OTUD5: variants seen among roughly 807,000 people sequenced by gnomAD.
OTUD5 encodes OTU deubiquitinase 5.
Under a neutral mutation model 36.3 loss-of-function variants are expected in OTUD5, and 2 were observed. The observed-to-expected ratio is 0.06, with a 90% CI of 0.02 to 0.17. The LOEUF is 0.17. Among genes scored for constraint, OTUD5 ranks in the 10% least tolerant of loss-of-function variants. The probability of loss-of-function intolerance (pLI) is 1.00; values close to 1 mark genes in which losing one functional copy is unlikely to be tolerated. For synonymous variants in OTUD5, 234 were observed against 214.9 expected (o/e 1.09, Z -0.78); for missense variants, 233 against 512.3 (o/e 0.45, Z 5.26).
chrX:48,926,420 G>A lies in OTUD5; in HGVS notation c.1060-370C>T, dbSNP rs782462917. Among the ~76,000 whole-genome samples, 12 of 109,054 alleles carry A rather than the reference G, an allele frequency of 1.1e-4. No individual in the cohort carries two copies. In the East Asian group the frequency reaches 2.8e-3, roughly 26 times the overall value. The allele number at this position is 109,054 out of a possible 115,157, so 94.7% of individuals were successfully genotyped here. A position where few individuals can be genotyped will look rare whatever the true frequency, so the allele number is the denominator to read the frequency against. Reference sequence around the variant, plus strand: ...GGCTGGAGTGCAGTGGGGTAATCTCGGCTCACTGCAACCTCCGCCTCCCAG... The same window carrying A: ...GGCTGGAGTGCAGTGGGGTAATCTCAGCTCACTGCAACCTCCGCCTCCCAG... On this transcript the variant is annotated intron_variant, in intron 5 of 8. Coordinates refer to ENST00000376488, the MANE Select transcript of OTUD5 (RefSeq NM_001136157.2).
chrX:48,938,367 A>T (rs930466311), intron 2 of OTUD5, among the ~76,000 whole-genome samples: 12 of 112,179 alleles, frequency 1.1e-4, no homozygotes, highest in Non-Finnish European at 1.9e-4. Context: ...GCATCTAAGC[A>T]CAGAGCTAAA....
chrX:48,926,366 T>C (rs1387882915), intron 5 of OTUD5, among the ~76,000 whole-genome samples: 4 of 89,933 alleles, frequency 4.4e-5, no homozygotes, highest in South Asian at 1.0e-3. Flanking sequence ...TTTTTTTTTT[T>C]CTGAGACGAA....
At chrX:48,952,066 C>A (rs868960765) in intron 1 of OTUD5, among the ~76,000 whole-genome samples, 1 of 108,268 alleles carries the variant, frequency 9.2e-6, no homozygotes, top group Non-Finnish European at 1.9e-5. Context: ...AAAAAAAAAA[C>A]AAAAACAAAA....
In OTUD5 at chrX:48,922,225, G is replaced by T. The variant is rs2063592983; in HGVS notation, c.*949C>A. The T allele has an allele frequency of 9.0e-6, 1 of 111,712 alleles. No individual in the cohort carries two copies. Among genetic ancestry groups the T allele is most frequent in the Non-Finnish European group, 1.9e-5 (1 of 53,111 alleles). The allele number at this position is 111,712 out of a possible 1,213,427, so 9.2% of individuals were successfully genotyped here. A position where few individuals can be genotyped will look rare whatever the true frequency, so the allele number is the denominator to read the frequency against. ...AGTCGCTCAGGGAAACTGACATTTGGTTTTATTGTGCCAAGGACATTACAG... is the reference window on the plus strand; with the variant it reads ...AGTCGCTCAGGGAAACTGACATTTGTTTTTATTGTGCCAAGGACATTACAG... On this transcript the variant is annotated 3_prime_UTR_variant, in exon 9 of 9. Coordinates refer to ENST00000376488, the MANE Select transcript of OTUD5 (RefSeq NM_001136157.2).
chrX:48,932,246 T>C (rs1271817687), intron 5 of OTUD5, among the ~76,000 whole-genome samples: 1 of 110,235 alleles, frequency 9.1e-6, no homozygotes, highest in African/African-American at 3.3e-5. Context: ...GGGAATTCTG[T>C]ATTATCTCCT....
Position 48,922,629 on chromosome X carries a change from G to A in OTUD5, c.*545C>T. ...CTGTCGTCTATATCATTTTTGATTA[G>A]TTGATTTTATAAGATAAAAGTAATT... On this transcript the variant is annotated 3_prime_UTR_variant, in exon 9 of 9. Coordinates refer to ENST00000376488, the MANE Select transcript of OTUD5 (RefSeq NM_001136157.2). 2.7e-6 allele frequency: 2 copies of A among 752,483 alleles called. No individual in the cohort carries two copies. Among genetic ancestry groups the A allele is most frequent in the Non-Finnish European group, 3.1e-6 (2 of 637,068 alleles). The allele number at this position is 752,483 out of a possible 1,213,427, so 62.0% of individuals were successfully genotyped here. A position where few individuals can be genotyped will look rare whatever the true frequency, so the allele number is the denominator to read the frequency against.
At chrX:48,952,402 A>G (rs782521993) in intron 1 of OTUD5, among the ~76,000 whole-genome samples, 4 of 112,563 alleles carry the variant, frequency 3.6e-5, no homozygotes, top group African/African-American at 1.3e-4. Context: ...TGATGGACGC[A>G]CAAATCTGTG....
chrX:48,931,710 C>T (rs1474597233), intron 5 of OTUD5, among the ~76,000 whole-genome samples: 10 of 103,447 alleles, frequency 9.7e-5, no homozygotes, highest in Non-Finnish European at 1.6e-4. Flanking sequence ...ACCCAGAAGG[C>T]GGAGGCTGCA....
chrX:48,937,429 G>C (rs2063846153), intron 2 of OTUD5, among the ~76,000 whole-genome samples: 1 of 112,263 alleles, frequency 8.9e-6, no homozygotes, highest in African/African-American at 3.2e-5. Context: ...AGGTGCTGGA[G>C]AAAGCCCATC....
chrX:48,923,129 A>G lies in OTUD5; in HGVS notation c.*45T>C. ...AGAAGGTGAGGTGGCACCGGAGAGC[A>G]GGAGTACTGGGGTTGGGAGATGGTG... On this transcript the variant is annotated 3_prime_UTR_variant, in exon 9 of 9. Transcript: ENST00000376488. The G allele has an allele frequency of 8.3e-7, 1 of 1,209,970 alleles. No individual in the cohort carries two copies. The highest frequency in any genetic ancestry group is 1.8e-5 in the South Asian group (1 of 56,894).
Position 48,925,863 on chromosome X carries a change from A to C in OTUD5, c.1247T>G (p.Val416Gly). Residue 416 changes from valine (V) to glycine (G), a missense_variant, in exon 6 of 9, where the codon GTC (valine) becomes GGC (glycine). Physicochemically the swap from Val to Gly is moderately radical, Grantham distance 109 (BLOSUM62 -3). Around this residue, in one of 3 missense-constraint regions of OTUD5, gnomAD observed 57 missense variants for 133.1 expected, o/e 0.43. Transcript: ENST00000376488. ...ATGACCCACCTGGCTGGGGCCTCGG[A>C]CCTGGCGAGCCTGTTTCTCCTGATC... ...LRDQEKQARQ[V>G]RGPSQPRKAS... 7 of 1,208,697 alleles carry C rather than the reference A, an allele frequency of 5.8e-6. No homozygotes were observed. Among genetic ancestry groups the C allele is most frequent in the Non-Finnish European group, 7.8e-6 (7 of 894,100 alleles).
chrX:48,955,640 C>T (rs2064224623), intron 1 of OTUD5, among the ~76,000 whole-genome samples: 1 of 110,885 alleles, frequency 9.0e-6, no homozygotes, highest in Non-Finnish European at 1.9e-5. Context: ...TCCCATGTTG[C>T]CCATGTCCCC....
intron 2 of OTUD5, among the ~76,000 whole-genome samples, chrX:48,938,686 C>T (rs2063869125): frequency 9.3e-6 from 1 of 107,942 alleles, no homozygotes; most frequent in Admixed American, 9.8e-5. Flanking sequence ...AAGAGCGAAA[C>T]TCTGTCTCAA....
intron 2 of OTUD5, among the ~76,000 whole-genome samples, chrX:48,942,931 A>G (rs2063958671): frequency 9.0e-6 from 1 of 110,993 alleles, no homozygotes; most frequent in African/African-American, 3.3e-5. Context: ...GGTCATACCA[A>G]GAATCAGTTG....
intron 5 of OTUD5, among the ~76,000 whole-genome samples, chrX:48,933,517 G>A (rs1448270726): frequency 9.2e-6 from 1 of 108,836 alleles, no homozygotes; most frequent in African/African-American, 3.4e-5. Flanking sequence ...CCAGTTTCAA[G>A]TGATTCTCCT....
chrX:48,937,663 T>G (rs1372753034), intron 2 of OTUD5, among the ~76,000 whole-genome samples: 3 of 112,483 alleles, frequency 2.7e-5, no homozygotes, highest in Non-Finnish European at 5.6e-5. Flanking sequence ...CTTTAACCTC[T>G]CTAAGCTGAA....
At chrX:48,927,954 G>T (rs1316989760) in intron 5 of OTUD5, among the ~76,000 whole-genome samples, 2 of 112,390 alleles carry the variant, frequency 1.8e-5, no homozygotes, top group Non-Finnish European at 3.8e-5. Flanking sequence ...TTTAGGAATT[G>T]TATGTCAGGA....
At chrX:48,932,875 G>A (rs1269679583) in intron 5 of OTUD5, among the ~76,000 whole-genome samples, 2 of 110,604 alleles carry the variant, frequency 1.8e-5, no homozygotes, top group African/African-American at 3.3e-5. Flanking sequence ...CCAGCTACTC[G>A]GGAGGCTGAG....
intron 1 of OTUD5, among the ~76,000 whole-genome samples, chrX:48,952,144 T>C (rs977465351): frequency 8.9e-5 from 10 of 112,507 alleles, no homozygotes; most frequent in African/African-American, 3.2e-4. Context: ...GAAGCACTGA[T>C]GTATGCTACA....
Sources: gnomAD v4.1 joint callset for allele counts (sites outside exome capture counted in the v4.1 genomes callset) on GRCh38, gnomAD v4.1.1 for gene constraint, gnomAD v4.1.1 regional missense constraint, MANE v1.5 for transcripts, NCBI Gene and HGNC (gene_info 2026-07-23, HGNC 2026-07-21) for gene names.